LUZP1: variants seen among roughly 807,000 people sequenced by gnomAD.
The protein encoded by LUZP1 is filamin mechanobinding actin cross-linking protein.
A neutral mutation model predicts 71.3 loss-of-function variants in LUZP1; 25 were observed. That is an observed-to-expected ratio of 0.35 (90% CI 0.26 to 0.49). The LOEUF is 0.49. LUZP1 is among the 20% of genes least tolerant of loss of function. LUZP1 has a pLI of 0.99. For missense variants in LUZP1, 1,142 were observed against 1,300.8 expected (o/e 0.88, Z 1.88); for synonymous variants, 481 against 506.4 (o/e 0.95, Z 0.67).
intron 2 of LUZP1, among the ~76,000 whole-genome samples, chr1:23,114,513 T>A (rs181224416): frequency 6.6e-6 from 1 of 152,312 alleles, no homozygotes; most frequent in African/African-American, 2.4e-5. Flanking sequence ...CTTCCCTGAA[T>A]GCCATCACTG....
At chr1:23,136,283 G>C (rs1644251985) in intron 2 of LUZP1, among the ~76,000 whole-genome samples, 1 of 138,148 alleles carries the variant, frequency 7.2e-6, no homozygotes, top group Non-Finnish European at 1.5e-5. Context: ...GAGGCGGGCA[G>C]ATTCCGTCTT....
chr1:23,103,381 C>G (rs1247317911), intron 3 of LUZP1, among the ~76,000 whole-genome samples: 2 of 152,158 alleles, frequency 1.3e-5, no homozygotes, highest in Non-Finnish European at 2.9e-5. Context: ...CCCAGAATCA[C>G]AAATTCATGT....
intron 2 of LUZP1, chr1:23,141,179 A>C (rs552768651): frequency 6.6e-6 from 1 of 152,450 alleles, no homozygotes; most frequent in East Asian, 1.9e-4. Flanking sequence ...GGAGAACGGG[A>C]CACGGCCTGG....
At chr1:23,138,691 GTGTGTGTATA>G (rs1399370362) in intron 2 of LUZP1, among the ~76,000 whole-genome samples, 2 of 106,322 alleles carry the variant, frequency 1.9e-5, no homozygotes, top group African/African-American at 1.1e-4. Context: ...GTGTGTGTGT[GTGTGTGTATA>G]TATATATATA....
At chr1:23,158,273 G>A (rs538190992) in intron 2 of LUZP1, among the ~76,000 whole-genome samples, 3 of 152,160 alleles carry the variant, frequency 2.0e-5, no homozygotes, top group South Asian at 2.1e-4. Flanking sequence ...TTTTATACTC[G>A]GTTCACCTTG....
chr1:23,127,024 A>T lies in LUZP1; in HGVS notation c.-225-17897T>A, dbSNP rs150742620. On this transcript the variant is annotated intron_variant, in intron 2 of 4. Coordinates refer to ENST00000302291, the Ensembl canonical transcript of LUZP1. ...AGTTTCAACAAAAGCAGCACACTGT[A>T]TATTGGCAGTCAAAATCACTTCGCT... is the stretch of plus-strand genomic sequence containing the variant. Among the ~76,000 whole-genome samples the T allele has an allele frequency of 1.6e-4, 24 of 152,350 alleles. No individual in the cohort carries two copies. In the East Asian group the frequency reaches 4.6e-3, roughly 29 times the overall value.
intron 2 of LUZP1, among the ~76,000 whole-genome samples, chr1:23,167,095 G>A (rs1182716008): frequency 6.6e-6 from 1 of 152,130 alleles, no homozygotes; most frequent in Non-Finnish European, 1.5e-5. Flanking sequence ...TCTGACAAAA[G>A]AAGAATTTTC....
At chr1:23,160,566 C>T (rs1644456210) in intron 2 of LUZP1, among the ~76,000 whole-genome samples, 1 of 152,030 alleles carries the variant, frequency 6.6e-6, no homozygotes, top group Non-Finnish European at 1.5e-5. Flanking sequence ...CACTCCCGGC[C>T]TTTAGATTAG....
chr1:23,143,586 G>A (rs546757368), intron 2 of LUZP1, among the ~76,000 whole-genome samples: 76 of 152,026 alleles, frequency 5.0e-4, no homozygotes, highest in Non-Finnish European at 1.0e-3. Flanking sequence ...CATCCCTCTA[G>A]GATTGTTATG....
At chr1:23,104,741 G>A (rs1047902598) in intron 3 of LUZP1, among the ~76,000 whole-genome samples, 7 of 152,200 alleles carry the variant, frequency 4.6e-5, no homozygotes, top group African/African-American at 1.7e-4. Context: ...TAATGTAATA[G>A]TTTTATTGTA....
In LUZP1 at chr1:23,139,623, T is replaced by C. The variant is rs550857366; in HGVS notation, c.-226+29143A>G. Among the ~76,000 whole-genome samples, 18 of 152,308 alleles carry C rather than the reference T, an allele frequency of 1.2e-4. No individual in the cohort carries two copies. In the South Asian group the frequency reaches 3.7e-3, roughly 32 times the overall value. ...ACAATTTCTTTAGCTTAATTTATTA[T>C]AAGAGTACAAGTATATAATACATAC... On this transcript the variant is annotated intron_variant, in intron 2 of 4. Transcript: ENST00000302291.
At chr1:23,130,730 A>T (rs1644208270) in intron 2 of LUZP1, among the ~76,000 whole-genome samples, 1 of 151,986 alleles carries the variant, frequency 6.6e-6, no homozygotes, top group South Asian at 2.1e-4. Flanking sequence ...TGTTTTATGG[A>T]GTACTATTTG....
chr1:23,136,836 T>A (rs1644258214), intron 2 of LUZP1, among the ~76,000 whole-genome samples: 1 of 152,180 alleles, frequency 6.6e-6, no homozygotes, highest in Admixed American at 6.5e-5. Context: ...GAGAATGGCA[T>A]GAACCCGGGA....
At chr1:23,128,728 T>C (rs1644191811) in intron 2 of LUZP1, among the ~76,000 whole-genome samples, 1 of 152,250 alleles carries the variant, frequency 6.6e-6, no homozygotes, top group African/African-American at 2.4e-5. Flanking sequence ...CAGACCTCAA[T>C]ATATTGTTTC....
chr1:23,117,923 C>T (rs2124658805), intron 2 of LUZP1, among the ~76,000 whole-genome samples: 1 of 152,064 alleles, frequency 6.6e-6, no homozygotes, highest in East Asian at 1.9e-4. Flanking sequence ...AACCCTGTCT[C>T]TACTAAAAAT....
chr1:23,093,673 T>G lies in LUZP1; in HGVS notation c.589A>C (p.Arg197=), dbSNP rs1300812246. The G allele has an allele frequency of 2.5e-6, 4 of 1,612,116 alleles. No homozygotes were observed. The South Asian group carries it at 4.4e-5, about 18-fold the overall frequency. The change falls in exon 4 of 5, where the codon AGA becomes CGA. Residue 197 remains arginine, a synonymous_variant. Coordinates refer to ENST00000302291, the Ensembl canonical transcript of LUZP1. The surrounding 1 kb of genome is among the most constrained non-coding windows in gnomAD (Gnocchi z 4.2). ...TTCTCCTTTTCATTCAAGTATTTTC[T>G]CTCACTTACAAAGCTCAGAGTTAAT...
At chr1:23,147,099 A>AAATAAT (rs371398665) in intron 2 of LUZP1, among the ~76,000 whole-genome samples, 6,406 of 144,478 alleles carry the variant, frequency 0.044, 332 homozygotes, top group Admixed American at 0.14. Context: ...TCCGTCTCAA[A>AAATAAT]AATAATAATA....
At chr1:23,177,081 G>C (rs995997625) in intron 1 of LUZP1, among the ~76,000 whole-genome samples, 3 of 151,432 alleles carry the variant, frequency 2.0e-5, no homozygotes, top group Non-Finnish European at 2.9e-5. Flanking sequence ...GATGGGGGGG[G>C]GGTCTCACTA....
chr1:23,142,696 TATATACACACACACACACACAC>T (rs1415107968), intron 2 of LUZP1, among the ~76,000 whole-genome samples: 12 of 90,802 alleles, frequency 1.3e-4, no homozygotes, highest in Non-Finnish European at 1.8e-4. Flanking sequence ...AATATATATA[TATATACACACACACACACACAC>T]ACACACACAC....
Sources: gnomAD v4.1 joint callset for allele counts (sites outside exome capture counted in the v4.1 genomes callset) on GRCh38, gnomAD v4.1.1 for gene constraint, Gnocchi (gnomAD v3.1) non-coding constraint, MANE v1.5 for transcripts, NCBI Gene and HGNC (gene_info 2026-07-23, HGNC 2026-07-21) for gene names.